Variants in GNG2 observed in about 807,000 individuals in gnomAD.
GNG2 encodes guanine nucleotide-binding protein G(I)/G(S)/G(O) subunit gamma-2.
In GNG2, 5 loss-of-function variants were observed where a neutral mutation model predicts 5.5. The ratio of observed to expected loss-of-function variants is 0.91; its 90% CI spans 0.48 to 1.92. GNG2 has a LOEUF of 1.92. Ranked by LOEUF, GNG2 falls within the 30% of genes most tolerant of loss-of-function variation. The pLI, the probability that GNG2 is intolerant of heterozygous loss-of-function variation, is 0.01. For missense variants in GNG2, 55 were observed against 88.4 expected (o/e 0.62, Z 1.52); for synonymous variants, 28 against 32.0 (o/e 0.88, Z 0.42).
intron 1 of GNG2, among the ~76,000 whole-genome samples, chr14:51,862,403 A>G (rs1882558354): frequency 6.6e-6 from 1 of 152,216 alleles, no homozygotes; most frequent in African/African-American, 2.4e-5. Flanking sequence ...GTATGTAAAG[A>G]TCATCTTCTT....
rs1231103880 is a variant in GNG2, at chr14:51,867,406, TC to T, written c.-71+6618del. On this transcript the variant is annotated intron_variant, in intron 1 of 3. Coordinates refer to ENST00000556766, the MANE Select transcript of GNG2 (RefSeq NM_053064.5). Reference sequence around the variant, plus strand: ...CTGTGCTCACCATCACCTTTCCCACTCCTCAAAACCAGCTCCTCACCTGATT... The same window carrying T: ...CTGTGCTCACCATCACCTTTCCCACTCTCAAAACCAGCTCCTCACCTGATT... 3.9e-5 allele frequency among the ~76,000 whole-genome samples: 6 copies of T among 152,242 alleles called. No individual in the cohort carries two copies. The East Asian group carries it at 1.2e-3, about 29-fold the overall frequency.
intron 2 of GNG2, among the ~76,000 whole-genome samples, chr14:51,946,545 C>T (rs1042666711): frequency 2.6e-5 from 4 of 152,134 alleles, no homozygotes; most frequent in African/African-American, 9.7e-5. Context: ...GTTTCAGAGA[C>T]GGGTGTAAAT....
intron 1 of GNG2, among the ~76,000 whole-genome samples, chr14:51,875,988 A>C (rs1883636705): frequency 7.1e-6 from 1 of 141,750 alleles, no homozygotes; most frequent in Non-Finnish European, 1.5e-5. Context: ...CCCAGGCTAG[A>C]GTACAGTAGC....
At chr14:51,866,931 A>G (rs1379961500) in intron 1 of GNG2, among the ~76,000 whole-genome samples, 1 of 152,130 alleles carries the variant, frequency 6.6e-6, no homozygotes. Flanking sequence ...TAAACCCTCT[A>G]CTTGGACTCT....
intron 2 of GNG2, among the ~76,000 whole-genome samples, chr14:51,898,413 G>A (rs952030726): frequency 6.6e-6 from 1 of 152,108 alleles, no homozygotes; most frequent in Non-Finnish European, 1.5e-5. Context: ...GACCTGGCCA[G>A]GAGAAATGAT....
chr14:51,942,049 A>G (rs1594942872), intron 2 of GNG2, among the ~76,000 whole-genome samples: 2 of 152,326 alleles, frequency 1.3e-5, no homozygotes, highest in East Asian at 3.9e-4. Context: ...GAATAATCTC[A>G]TTCTGTCAGT....
At chr14:51,889,108 G>A (rs942016875) in intron 2 of GNG2, among the ~76,000 whole-genome samples, 103 of 139,378 alleles carry the variant, frequency 7.4e-4, no homozygotes, top group African/African-American at 2.4e-3. Context: ...ATGGGTTTGC[G>A]CTTTTTTTTT....
At chr14:51,855,003 C>A (rs1445993202) in intron 2 of GNG2, among the ~76,000 whole-genome samples, 1 of 152,196 alleles carries the variant, frequency 6.6e-6, no homozygotes, top group African/African-American at 2.4e-5. Context: ...CCCTTCCTCT[C>A]CTCATCAACA....
intron 2 of GNG2, among the ~76,000 whole-genome samples, chr14:51,937,353 G>A (rs1273831513): frequency 6.6e-6 from 1 of 152,172 alleles, no homozygotes; most frequent in African/African-American, 2.4e-5. Flanking sequence ...ATCTTGCAGT[G>A]TAGATCATGA....
intron 2 of GNG2, chr14:51,916,616 G>C (rs901230847): frequency 2.5e-6 from 1 of 396,674 alleles, no homozygotes; most frequent in African/African-American, 2.1e-5. Flanking sequence ...GAGGAAGCCA[G>C]AAGTAGAAGA....
At chr14:51,864,684 G>A (rs1882752660) in intron 1 of GNG2, among the ~76,000 whole-genome samples, 1 of 152,118 alleles carries the variant, frequency 6.6e-6, no homozygotes, top group African/African-American at 2.4e-5. Context: ...CTACCACTAC[G>A]GAGGCACTGG....
intron 2 of GNG2, among the ~76,000 whole-genome samples, chr14:51,831,016 C>T (rs1881174257): frequency 1.3e-5 from 2 of 152,214 alleles, no homozygotes; most frequent in East Asian, 3.8e-4. Context: ...ATGATGGCCT[C>T]CTTGCTAACC....
intron 1 of GNG2, among the ~76,000 whole-genome samples, chr14:51,862,062 T>C (rs1444099172): frequency 6.6e-6 from 1 of 152,198 alleles, no homozygotes; most frequent in Non-Finnish European, 1.5e-5. Flanking sequence ...ATATGCCTCC[T>C]CCTTTATCAT....
intron 2 of GNG2, among the ~76,000 whole-genome samples, chr14:51,837,994 A>G (rs1387775161): frequency 6.6e-6 from 1 of 152,160 alleles, no homozygotes. Context: ...AAGTCAAACA[A>G]AAGTACCCAC....
At chr14:51,953,960 G>A (rs1440876971) in intron 3 of GNG2, among the ~76,000 whole-genome samples, 1 of 152,182 alleles carries the variant, frequency 6.6e-6, no homozygotes, top group African/African-American at 2.4e-5. Context: ...TGCAACTGAG[G>A]TGGCAAAGAA....
intron 2 of GNG2, among the ~76,000 whole-genome samples, chr14:51,852,157 C>T (rs991122962): frequency 2.6e-5 from 4 of 152,150 alleles, no homozygotes; most frequent in African/African-American, 9.7e-5. Flanking sequence ...GCCTGTAACT[C>T]ACTCTTTTCA....
intron 1 of GNG2, among the ~76,000 whole-genome samples, chr14:51,874,298 G>A (rs761975888): frequency 4.0e-5 from 6 of 151,826 alleles, no homozygotes; most frequent in Non-Finnish European, 5.9e-5. Context: ...GGTGGTGGGC[G>A]CCTGTACTCC....
At chr14:51,886,716 C>A (rs894042369) in intron 2 of GNG2, among the ~76,000 whole-genome samples, 1 of 152,248 alleles carries the variant, frequency 6.6e-6, no homozygotes, top group Admixed American at 6.5e-5. Context: ...TTATAATGAT[C>A]CTGCAGGCAG....
chr14:51,939,547 C>T (rs566359812), intron 2 of GNG2, among the ~76,000 whole-genome samples: 31 of 152,314 alleles, frequency 2.0e-4, no homozygotes, highest in African/African-American at 7.0e-4. Flanking sequence ...ACAGCATAGA[C>T]GGCTCCCATG....
Sources: allele counts gnomAD v4.1 joint callset (sites outside exome capture counted in the v4.1 genomes callset), GRCh38; gene constraint gnomAD v4.1.1; transcripts MANE v1.5; gene names NCBI Gene and HGNC (gene_info 2026-07-23, HGNC 2026-07-21).